SGTA: variants seen among roughly 807,000 people sequenced by gnomAD.
SGTA encodes the protein small glutamine-rich tetratricopeptide repeat-containing protein alpha.
In SGTA, 22 loss-of-function variants were observed where a neutral mutation model predicts 44.3. The observed-to-expected ratio is 0.50, with a 90% confidence interval of 0.36 to 0.71. SGTA has a LOEUF of 0.71. Among genes scored for constraint, SGTA ranks in the 30% least tolerant of loss-of-function variants. The pLI is 0.00. For missense variants in SGTA, 341 were observed against 435.9 expected (o/e 0.78, Z 1.94); for synonymous variants, 174 against 177.6 (o/e 0.98, Z 0.16).
Position 2,765,239 on chromosome 19 carries a change from G to T in SGTA, c.339C>A (p.Phe113Leu). 1 of 1,614,132 alleles carries T rather than the reference G, an allele frequency of 6.2e-7. No individual in the cohort carries two copies. The highest frequency in any genetic ancestry group is 1.1e-5 in the South Asian group (1 of 91,080). ...GGTTGAGCTCGATGGCTTTTCCGTA[G>T]AAATGCACGGCAGCTTCAAAGTTTT... ...KVENFEAAVH[F>L]YGKAIELNPA... Residue 113 changes from phenylalanine (F) to leucine (L), a missense_variant, in exon 5 of 12, where the codon TTC becomes TTA. Phe to Leu is a conservative substitution (Grantham distance 22). Transcript: ENST00000221566. This position sits in a 1 kb window ranked among gnomAD's most constrained non-coding sequence, Gnocchi z 5.5.
intron 2 of SGTA, among the ~76,000 whole-genome samples, chr19:2,768,205 C>CG (rs1915203603): frequency 6.6e-6 from 1 of 152,156 alleles, no homozygotes; most frequent in Non-Finnish European, 1.5e-5. Context: ...CTGACAGACT[C>CG]AGCACCCAGG....
chr19:2,772,055 G>A (rs1435181639), intron 1 of SGTA, among the ~76,000 whole-genome samples: 2 of 152,262 alleles, frequency 1.3e-5, no homozygotes, highest in East Asian at 1.9e-4. Flanking sequence ...GCCTTCCTCC[G>A]GGGCCGGGCC....
Position 2,755,093 on chromosome 19 carries a change from G to C in SGTA, c.*847C>G, listed in dbSNP as rs970032820. The C allele has an allele frequency of 6.6e-6, 1 of 152,420 alleles. No homozygotes were observed. The highest frequency in any genetic ancestry group is 2.4e-5 in the African/African-American group (1 of 41,458). The allele number at this position is 152,420 out of a possible 1,614,324, so 9.4% of individuals were successfully genotyped here. A position where few individuals can be genotyped will look rare whatever the true frequency, so the allele number is the denominator to read the frequency against. On this transcript the variant is annotated 3_prime_UTR_variant, in exon 12 of 12. Coordinates refer to ENST00000221566, the MANE Select transcript of SGTA (RefSeq NM_003021.4). The surrounding 1 kb of genome is among the most constrained non-coding windows in gnomAD (Gnocchi z 5.2). ...ACAGGAGGGGTAAGCTTCCCTGGGG[G>C]GCCCCGGGCCCATGAAACATCCAGG...
At chr19:2,776,778 G>A (rs1347076979) in intron 1 of SGTA, among the ~76,000 whole-genome samples, 1 of 152,122 alleles carries the variant, frequency 6.6e-6, no homozygotes, top group African/African-American at 2.4e-5. Context: ...AGACCAACAT[G>A]GTGAAACCCC....
At chr19:2,762,668 A>G in intron 6 of SGTA, 24 bp from the exon 7 acceptor site, 1 of 1,612,766 alleles carries the variant, frequency 6.2e-7, no homozygotes, top group Non-Finnish European at 8.5e-7. Context: ...CCGGGGATGG[A>G]CTGTTCCCAT....
Position 2,765,984 on chromosome 19 carries a change from C to T in SGTA, c.293-699G>A, listed in dbSNP as rs993913056. 2.0e-5 allele frequency among the ~76,000 whole-genome samples: 3 copies of T among 152,110 alleles called. No homozygotes were observed. The highest frequency in any genetic ancestry group is 6.5e-5 in the Admixed American group (1 of 15,268). On this transcript the variant is annotated intron_variant, in intron 4 of 11. Transcript: ENST00000221566. This position sits in a 1 kb window ranked among gnomAD's most constrained non-coding sequence, Gnocchi z 5.5. ...TTATAATCCCAGCACTTTGGGAGGC[C>T]GACGCAGGCGGATCGCAAGATCAGG...
At chr19:2,768,787 C>T (rs1325751537) in intron 2 of SGTA, among the ~76,000 whole-genome samples, 182 bp downstream of exon 2, 1 of 152,228 alleles carries the variant, frequency 6.6e-6, no homozygotes, top group Non-Finnish European at 1.5e-5. Flanking sequence ...GGGCTCAGCT[C>T]GGCCCTGGCT....
chr19:2,755,552 G>C lies in SGTA; in HGVS notation c.*388C>G. 1.3e-5 allele frequency: 13 copies of C among 986,120 alleles called. No individual in the cohort carries two copies. Among genetic ancestry groups the C allele is most frequent in the Non-Finnish European group, 1.6e-5 (13 of 830,154 alleles). The allele number at this position is 986,120 out of a possible 1,614,324, so 61.1% of individuals were successfully genotyped here. A position where few individuals can be genotyped will look rare whatever the true frequency, so the allele number is the denominator to read the frequency against. ...AGACAGACCACGGGATGGGGGGCGG[G>C]GGCTGTAAAAGGCTTTGGAAGCCAC... On this transcript the variant is annotated 3_prime_UTR_variant, in exon 12 of 12. Transcript: ENST00000221566. This position sits in a 1 kb window ranked among gnomAD's most constrained non-coding sequence, Gnocchi z 5.2.
intron 2 of SGTA, among the ~76,000 whole-genome samples, chr19:2,768,233 C>T (rs112158921): frequency 0.015 from 2,215 of 152,268 alleles, 46 homozygotes; most frequent in African/African-American, 0.05. Flanking sequence ...CCCACCGAGC[C>T]AGACAACACT....
chr19:2,761,375 A>C lies in SGTA; in HGVS notation c.699+85T>G, dbSNP rs188319053. ...GAAGCCAGCAGTGCCAAGGCAAGGA[A>C]GCCCTGGCCAGTAGCGGACACAGCA... On this transcript the variant is annotated intron_variant, in intron 8 of 11. Coordinates refer to ENST00000221566, the MANE Select transcript of SGTA (RefSeq NM_003021.4). The surrounding 1 kb of genome is among the most constrained non-coding windows in gnomAD (Gnocchi z 5.7). 2,097 of 1,232,678 alleles carry C rather than the reference A, an allele frequency of 1.7e-3. 45 individuals are homozygous for C. The Admixed American group carries it at 0.037, about 22-fold the overall frequency. 76.4% of individuals were successfully genotyped at this position (1,232,678 alleles called of 1,614,324 possible).
At chr19:2,772,945 C>A (rs1915352096) in intron 1 of SGTA, among the ~76,000 whole-genome samples, 2 of 68,358 alleles carry the variant, frequency 2.9e-5, no homozygotes, top group South Asian at 7.0e-4. Flanking sequence ...GACGCGGCCA[C>A]ACGGCAGGGA....
intron 1 of SGTA, among the ~76,000 whole-genome samples, chr19:2,781,613 C>A (rs1437687459): frequency 6.6e-6 from 1 of 152,148 alleles, no homozygotes; most frequent in Non-Finnish European, 1.5e-5. Flanking sequence ...CCCCATTCCA[C>A]AGAAGAAAAA....
chr19:2,763,757 T>A lies in SGTA; in HGVS notation c.393A>T (p.Arg131Ser). The change falls in exon 6 of 12, where the codon AGA becomes AGT. Residue 131 changes from arginine to serine, a missense_variant and splice_region_variant. Arg to Ser is a moderately radical substitution (Grantham distance 110). Coordinates refer to ENST00000221566, the MANE Select transcript of SGTA (RefSeq NM_003021.4). This position sits in a 1 kb window ranked among gnomAD's most constrained non-coding sequence, Gnocchi z 5.8. The stretch of plus-strand genomic sequence containing the variant: ...TGCCGAGTTTGCTGTAGGCTGCGGC[T>A]CTGGGGAAGAAAAGGCAGGGCAGGT... ...NPANAVYFCN[R>S]AAAYSKLGNY... The A allele has an allele frequency of 6.2e-7, 1 of 1,612,892 alleles. No homozygotes were observed. The highest frequency in any genetic ancestry group is 8.5e-7 in the Non-Finnish European group (1 of 1,179,580).
rs574245023 is a variant in SGTA, at chr19:2,759,159, C to T, written c.737+98G>A. The T allele has an allele frequency of 7.8e-5, 86 of 1,105,058 alleles. No individual in the cohort carries two copies. In the South Asian group the frequency reaches 9.7e-4, roughly 13 times the overall value. The allele number at this position is 1,105,058 out of a possible 1,614,324, so 68.5% of individuals were successfully genotyped here. ...GAAAGTCCTTAATGCCATTAAGTTG[C>T]ACACTTTAAAGTGGTTAGTTTTATG... On this transcript the variant is annotated intron_variant, in intron 9 of 11. Transcript: ENST00000221566.
chr19:2,767,192 G>T lies in SGTA; in HGVS notation c.236C>A (p.Ala79Glu). The T allele has an allele frequency of 1.2e-6, 2 of 1,612,312 alleles. No homozygotes were observed. The highest frequency in any genetic ancestry group is 1.7e-6 in the Non-Finnish European group (2 of 1,179,456). The change falls in exon 4 of 12, where the codon GCG (alanine) becomes GAG (glutamate). Residue 79 changes from alanine (A) to glutamate (E), a missense_variant. Transcript: ENST00000221566. This position sits in a 1 kb window ranked among gnomAD's most constrained non-coding sequence, Gnocchi z 7.3. ...GTCCTCCTCGGAAGGCGGGGTTCGCGCGGGGCTCCTCAGGTCCTGCGGCAT... is the reference window on the plus strand; with the variant it reads ...GTCCTCCTCGGAAGGCGGGGTTCGCTCGGGGCTCCTCAGGTCCTGCGGCAT... ...KEMPQDLRSP[A>E]RTPPSEEDSA...
intron 5 of SGTA, among the ~76,000 whole-genome samples, chr19:2,764,380 A>C (rs1457725545): frequency 6.6e-6 from 1 of 152,046 alleles, no homozygotes; most frequent in Admixed American, 6.6e-5. Context: ...ATGATACCTG[A>C]TTTTCTATGT....
rs560770277 is a variant in SGTA, at chr19:2,755,487, G to A, written c.*453C>T. ...ACAGGGCCGGGGTGGCCGGGAGGTC[G>A]ACTCGGAAAGAGGCTTCTCACAGAC... On this transcript the variant is annotated 3_prime_UTR_variant, in exon 12 of 12. Coordinates refer to ENST00000221566, the MANE Select transcript of SGTA (RefSeq NM_003021.4). This position sits in a 1 kb window ranked among gnomAD's most constrained non-coding sequence, Gnocchi z 5.2. 268 of 987,088 alleles carry A rather than the reference G, an allele frequency of 2.7e-4. No individual in the cohort carries two copies. Among genetic ancestry groups the A allele is most frequent in the Non-Finnish European group, 3.0e-4 (252 of 830,148 alleles). The allele number at this position is 987,088 out of a possible 1,614,324, so 61.1% of individuals were successfully genotyped here.
In SGTA at chr19:2,757,799, G is replaced by A. The variant is rs370162504; in HGVS notation, c.738-17C>T. On this transcript the variant is annotated splice_polypyrimidine_tract_variant and intron_variant, in intron 9 of 11. Coordinates refer to ENST00000221566, the MANE Select transcript of SGTA (RefSeq NM_003021.4). ...CCGGACATGCTGCAGGAGAGAGCGC[G>A]TGACTCGCAGCCGGGACAGCCTGAC... The A allele has an allele frequency of 1.9e-5, 29 of 1,538,064 alleles. No homozygotes were observed. The highest frequency in any genetic ancestry group is 2.4e-5 in the Non-Finnish European group (27 of 1,139,944).
intron 1 of SGTA, among the ~76,000 whole-genome samples, chr19:2,777,277 A>G (rs1415972814): frequency 2.6e-5 from 4 of 151,048 alleles, no homozygotes; most frequent in East Asian, 1.9e-4. Flanking sequence ...GACCAGGCGC[A>G]GTGGCTCACA....
Sources: gnomAD v4.1 joint callset for allele counts (sites outside exome capture counted in the v4.1 genomes callset) on GRCh38, gnomAD v4.1.1 for gene constraint, Gnocchi (gnomAD v3.1) non-coding constraint, MANE v1.5 for transcripts, NCBI Gene and HGNC (gene_info 2026-07-23, HGNC 2026-07-21) for gene names.